The following ABR variants were observed in gnomAD, a reference collection of about 807,000 sequenced individuals.
The protein encoded by ABR is ABR activator of RhoGEF and GTPase, also known as active breakpoint cluster region-related protein.
A neutral mutation model predicts 107.2 loss-of-function variants in ABR; 35 were observed. The observed-to-expected ratio is 0.33, with a 90% CI of 0.25 to 0.43. The LOEUF (loss-of-function observed/expected upper bound fraction) is 0.43. ABR is among the 20% of genes least tolerant of loss of function. The probability of loss-of-function intolerance (pLI) is 1.00; values close to 1 mark genes in which losing one functional copy is unlikely to be tolerated. For missense variants in ABR, 815 were observed against 1,115.2 expected (o/e 0.73, Z 3.83); for synonymous variants, 498 against 462.0 (o/e 1.08, Z -1.00).
chr17:1,020,997 C>T (rs546726550), intron 16 of ABR, among the ~76,000 whole-genome samples: 1 of 152,322 alleles, frequency 6.6e-6, no homozygotes, highest in South Asian at 2.1e-4. Context: ...CTGGGCCACA[C>T]TCTCCACTCC....
intron 3 of ABR, among the ~76,000 whole-genome samples, chr17:1,100,205 G>A (rs544817151): frequency 2.6e-5 from 4 of 151,920 alleles, no homozygotes; most frequent in Admixed American, 6.6e-5. Flanking sequence ...TGGCACTAAC[G>A]GTTCCCTCAC....
chr17:1,193,923 T>C (rs1216443975), intron 1 of ABR, among the ~76,000 whole-genome samples: 1 of 152,002 alleles, frequency 6.6e-6, no homozygotes, highest in Non-Finnish European at 1.5e-5. Context: ...TTTGATCTCC[T>C]GACCTCGTGA....
At chr17:1,038,161 C>T (rs2078179485) in intron 16 of ABR, among the ~76,000 whole-genome samples, 1 of 152,188 alleles carries the variant, frequency 6.6e-6, no homozygotes, top group African/African-American at 2.4e-5. Flanking sequence ...CCGGAATTCC[C>T]ACGCCCCACA....
chr17:1,025,119 C>CAA lies in ABR; in HGVS notation c.1792-11957_1792-11956dup, dbSNP rs71272843. ...CCTGGGCGACAGCGAGACTCCGTCT[C>CAA]AAAAAAAAAAAAAAAAAAATACAAA... On this transcript the variant is annotated intron_variant, in intron 16 of 22. Coordinates refer to ENST00000302538, the MANE Select transcript of ABR (RefSeq NM_021962.5). Among the ~76,000 whole-genome samples the CAA allele has an allele frequency of 1.1e-3, 40 of 37,704 alleles. 4 individuals are homozygous for CAA. Among genetic ancestry groups the CAA allele is most frequent in the Non-Finnish European group, 1.6e-3 (31 of 18,850 alleles). The allele number at this position is 37,704 out of a possible 152,430, so 24.7% of individuals were successfully genotyped here. A position where few individuals can be genotyped will look rare whatever the true frequency, so the allele number is the denominator to read the frequency against.
chr17:1,091,503 G>A (rs1380063048), intron 4 of ABR, among the ~76,000 whole-genome samples, 162 bp downstream of exon 4: 1 of 152,194 alleles, frequency 6.6e-6, no homozygotes, highest in Non-Finnish European at 1.5e-5. Context: ...CCGGCCCCAG[G>A]CACCCCATAA....
intron 16 of ABR, among the ~76,000 whole-genome samples, chr17:1,024,085 C>A (rs2071968536): frequency 6.6e-6 from 1 of 151,116 alleles, no homozygotes; most frequent in Non-Finnish European, 1.5e-5. Context: ...CCAGCTTCAC[C>A]CTCCCTGCCC....
At position 1,027,532 on chromosome 17, in the gene ABR, T is replaced by C. The variant is rs1462154283; in HGVS notation, c.1792-14368A>G. 6.6e-6 allele frequency among the ~76,000 whole-genome samples: 1 copy of C among 152,120 alleles called. No homozygotes were observed. Among genetic ancestry groups the C allele is most frequent in the African/African-American group, 2.4e-5 (1 of 41,422 alleles). On this transcript the variant is annotated intron_variant, in intron 16 of 22. Transcript: ENST00000302538. This position sits in a 1 kb window ranked among gnomAD's most constrained non-coding sequence, Gnocchi z 4.7. ...TGGCAGAGAGATCAGAGAGTACTCA[T>C]GAGGCCCCAGCAGTGAGGTCTGCCC...
chr17:1,208,747 G>A (rs367595556), intron 1 of ABR, among the ~76,000 whole-genome samples: 6 of 152,230 alleles, frequency 3.9e-5, no homozygotes, highest in East Asian at 1.9e-4. Context: ...AATTAGCCGG[G>A]TGTGGTGGCG....
chr17:1,091,187 C>T (rs1688467301), intron 4 of ABR, among the ~76,000 whole-genome samples: 1 of 152,158 alleles, frequency 6.6e-6, no homozygotes, highest in South Asian at 2.1e-4. Flanking sequence ...GTCCTCATGC[C>T]CCTAACCCGG....
At chr17:1,195,304 C>CGTTGCAAAAAAAAAA (rs2042535439) in intron 1 of ABR, among the ~76,000 whole-genome samples, 2 of 87,638 alleles carry the variant, frequency 2.3e-5, no homozygotes, top group Non-Finnish European at 4.8e-5. Flanking sequence ...GAGACTGTCT[C>CGTTGCAAAAAAAAAA]AAAAAAAAAA....
intron 1 of ABR, among the ~76,000 whole-genome samples, chr17:1,212,526 G>C (rs935390573): frequency 6.6e-6 from 1 of 152,048 alleles, no homozygotes; most frequent in Admixed American, 6.6e-5. Flanking sequence ...AGGCTGAGGC[G>C]GGCGGATCAT....
intron 1 of ABR, among the ~76,000 whole-genome samples, chr17:1,172,083 G>A (rs1000272399): frequency 6.6e-6 from 1 of 152,230 alleles, no homozygotes; most frequent in Non-Finnish European, 1.5e-5. Context: ...TCTAGTGTGT[G>A]TGGGGAGGAA....
chr17:1,095,562 C>T (rs1349952052), intron 3 of ABR, among the ~76,000 whole-genome samples: 1 of 152,186 alleles, frequency 6.6e-6, no homozygotes, highest in African/African-American at 2.4e-5. Context: ...AAAGCGCTAG[C>T]ACACCACTCA....
chr17:1,185,937 G>A (rs2042284778), intron 1 of ABR, among the ~76,000 whole-genome samples: 1 of 151,954 alleles, frequency 6.6e-6, no homozygotes. Flanking sequence ...CTGGGTTCAA[G>A]CGATTCTCCT....
intron 2 of ABR, among the ~76,000 whole-genome samples, chr17:1,124,155 TG>T (rs980348046): frequency 1.4e-4 from 20 of 144,278 alleles, no homozygotes; most frequent in Non-Finnish European, 2.8e-4. Flanking sequence ...GAGAGCTCTG[TG>T]GGGGGTGGAG....
intron 3 of ABR, among the ~76,000 whole-genome samples, chr17:1,099,320 C>G (rs985040925): frequency 1.3e-5 from 2 of 152,128 alleles, no homozygotes; most frequent in African/African-American, 4.8e-5. Context: ...AGTGATCTGC[C>G]CACCTGGGGC....
chr17:1,108,918 CGT>C (rs754063563), intron 2 of ABR: 10 of 1,580,488 alleles, frequency 6.3e-6, no homozygotes, highest in Middle Eastern at 1.7e-4. Flanking sequence ...GCGCCCAGGG[CGT>C]GTCACGCTCC....
intron 1 of ABR, among the ~76,000 whole-genome samples, chr17:1,162,681 C>A (rs1371242539): frequency 1.3e-5 from 2 of 151,364 alleles, no homozygotes; most frequent in Non-Finnish European, 2.9e-5. Flanking sequence ...CATCCCAGCA[C>A]TTTGAAAGGC....
At chr17:1,222,722 G>A (rs1367628562) in intron 1 of ABR, among the ~76,000 whole-genome samples, 1 of 152,092 alleles carries the variant, frequency 6.6e-6, no homozygotes, top group Non-Finnish European at 1.5e-5. Context: ...GACGAGCCTG[G>A]GGAACATAGT....
Sources: allele counts gnomAD v4.1 joint callset (sites outside exome capture counted in the v4.1 genomes callset), GRCh38; gene constraint gnomAD v4.1.1; non-coding constraint Gnocchi (gnomAD v3.1); transcripts MANE v1.5; gene names NCBI Gene and HGNC (gene_info 2026-07-23, HGNC 2026-07-21).